The following ADCY8 variants were observed in gnomAD, a reference collection of about 807,000 sequenced individuals.
The protein encoded by ADCY8 is adenylate cyclase 8.
Under a neutral mutation model 119.7 loss-of-function variants are expected in ADCY8, and 51 were observed. The ratio of observed to expected loss-of-function variants is 0.43; its 90% confidence interval spans 0.34 to 0.54. The LOEUF (loss-of-function observed/expected upper bound fraction) is 0.54. Ranked by LOEUF, ADCY8 falls within the 20% of genes least tolerant of loss-of-function variation. The pLI is 0.03. For synonymous variants in ADCY8, 665 were observed against 651.0 expected, an observed-to-expected ratio of 1.02 and a Z score of -0.33; for missense variants, 1,383 against 1,598.8, an observed-to-expected ratio of 0.87 and a Z score of 2.30.
At chr8:131,012,820 T>C (rs1651085711) in intron 1 of ADCY8, among the ~76,000 whole-genome samples, 1 of 152,294 alleles carries the variant, frequency 6.6e-6, no homozygotes, top group Middle Eastern at 3.4e-3. Flanking sequence ...TGAAATTGCG[T>C]CACAGCTCAA....
intron 5 of ADCY8, among the ~76,000 whole-genome samples, chr8:130,924,902 T>C (rs940670143): frequency 1.3e-5 from 2 of 152,046 alleles, no homozygotes; most frequent in Admixed American, 6.6e-5. Flanking sequence ...ATCTGGGATA[T>C]AGTTAGTGTT....
rs1554607515 is a variant in ADCY8 at position 130,854,819 on chromosome 8, C to CTTCCTTCCT, written c.2211-5017_2211-5016insAGGAAGGAA. Reference sequence around the variant, plus strand: ...TTTCCCTCCGTCCCTCCCTCCCTCCCTCCCTCCCTCCCTCCCTCCCTTCCT... The same window carrying CTTCCTTCCT: ...TTTCCCTCCGTCCCTCCCTCCCTCCCTTCCTTCCTTCCCTCCCTCCCTCCCTCCCTTCCT... On this transcript the variant is annotated intron_variant, in intron 9 of 17. Transcript: ENST00000286355. 1.0e-3 allele frequency among the ~76,000 whole-genome samples: 120 copies of CTTCCTTCCT among 115,098 alleles called. 2 individuals are homozygous for CTTCCTTCCT. Among genetic ancestry groups the CTTCCTTCCT allele is most frequent in the African/African-American group, 4.2e-3 (114 of 27,132 alleles). The allele number at this position is 115,098 out of a possible 152,430, so 75.5% of individuals were successfully genotyped here.
chr8:131,005,864 T>C (rs1823100432), intron 1 of ADCY8, among the ~76,000 whole-genome samples: 1 of 152,138 alleles, frequency 6.6e-6, no homozygotes, highest in Admixed American at 6.6e-5. Flanking sequence ...GCCTTGTGGC[T>C]CCCTTAATCC....
At chr8:130,813,115 T>A (rs1419648180) in intron 14 of ADCY8, among the ~76,000 whole-genome samples, 1 of 152,112 alleles carries the variant, frequency 6.6e-6, no homozygotes, top group African/African-American at 2.4e-5. Flanking sequence ...GCTTGGCTAA[T>A]TTTTGTAATT....
chr8:130,869,597 A>C (rs954081358), intron 8 of ADCY8, among the ~76,000 whole-genome samples: 9 of 146,988 alleles, frequency 6.1e-5, no homozygotes, highest in African/African-American at 2.3e-4. Context: ...GGTTCACTGC[A>C]AGCTCTGCCT....
chr8:131,026,611 G>T (rs967913776), intron 1 of ADCY8, among the ~76,000 whole-genome samples: 1 of 152,040 alleles, frequency 6.6e-6, no homozygotes, highest in Admixed American at 6.6e-5. Context: ...CAGAAACACA[G>T]AACCTAGGGT....
chr8:130,869,301 C>T lies in ADCY8; in HGVS notation c.2110-1355G>A, dbSNP rs559834354. ...CAACCCTGATAAAACCACAGAAAGC[C>T]CATATTATTAATATTATTAATAGTT... On this transcript the variant is annotated intron_variant, in intron 8 of 17. Transcript: ENST00000286355. Among the ~76,000 whole-genome samples the T allele has an allele frequency of 7.2e-5, 11 of 152,080 alleles. No individual in the cohort carries two copies. In the South Asian group the frequency reaches 1.5e-3, roughly 20 times the overall value.
At chr8:130,975,464 C>T (rs1292493437) in intron 2 of ADCY8, among the ~76,000 whole-genome samples, 2 of 152,120 alleles carry the variant, frequency 1.3e-5, no homozygotes, top group African/African-American at 4.8e-5. Context: ...CAAGAAACTC[C>T]CAACCACAAA....
chr8:130,844,902 G>T (rs1817251064), intron 11 of ADCY8, among the ~76,000 whole-genome samples: 1 of 152,124 alleles, frequency 6.6e-6, no homozygotes, highest in East Asian at 1.9e-4. Flanking sequence ...ACATACACGG[G>T]TATATTACGC....
chr8:130,956,296 C>G (rs1319456256), intron 2 of ADCY8, among the ~76,000 whole-genome samples: 1 of 152,210 alleles, frequency 6.6e-6, no homozygotes, highest in Admixed American at 6.5e-5. Flanking sequence ...TGTCTATCCT[C>G]ACATCCTCTA....
chr8:130,843,472 G>A (rs935291846), intron 11 of ADCY8, among the ~76,000 whole-genome samples: 5 of 152,114 alleles, frequency 3.3e-5, no homozygotes, highest in Non-Finnish European at 7.4e-5. Flanking sequence ...TCAAATCAGG[G>A]AGTCCACCTT....
intron 2 of ADCY8, among the ~76,000 whole-genome samples, chr8:130,957,912 C>T (rs1217720448): frequency 6.6e-6 from 1 of 152,206 alleles, no homozygotes; most frequent in South Asian, 2.1e-4. Flanking sequence ...GATGCTCAGA[C>T]AGAAGTTTGT....
At chr8:130,963,343 T>G (rs1306463529) in intron 2 of ADCY8, among the ~76,000 whole-genome samples, 1 of 152,076 alleles carries the variant, frequency 6.6e-6, no homozygotes, top group Non-Finnish European at 1.5e-5. Context: ...AATGAAGAAA[T>G]TTTCAAGGGA....
chr8:130,883,948 T>C (rs4130329), intron 8 of ADCY8, among the ~76,000 whole-genome samples: 3,286 of 152,288 alleles, frequency 0.022, 72 homozygotes, highest in South Asian at 0.08. Context: ...ATCCTCATCA[T>C]ACAGAGGGGA....
chr8:130,968,924 T>G (rs889443818), intron 2 of ADCY8, among the ~76,000 whole-genome samples: 4 of 152,140 alleles, frequency 2.6e-5, no homozygotes, highest in Admixed American at 1.3e-4. Context: ...TAACCACATC[T>G]TAGGGCTTAA....
At position 130,925,889 on chromosome 8, in the gene ADCY8, G is replaced by C. The variant is rs77625319; in HGVS notation, c.1481+11184C>G. 9.1e-4 allele frequency among the ~76,000 whole-genome samples: 139 copies of C among 152,184 alleles called. 3 individuals are homozygous for C. In the East Asian group the frequency reaches 0.026, roughly 28 times the overall value. On this transcript the variant is annotated intron_variant, in intron 5 of 17. Coordinates refer to ENST00000286355, the MANE Select transcript of ADCY8 (RefSeq NM_001115.3). ...ACTTCTCTCCCCTGGATTAGTATGA[G>C]AATATCCCCAAACCAGTTTCCTTCC... is the stretch of plus-strand genomic sequence containing the variant.
intron 6 of ADCY8, among the ~76,000 whole-genome samples, chr8:130,907,934 G>A (rs1036981251): frequency 2.6e-5 from 4 of 152,042 alleles, no homozygotes; most frequent in Non-Finnish European, 4.4e-5. Context: ...GTCTATTCTC[G>A]TCTTTATGTC....
In ADCY8 at chr8:130,972,513, A is replaced by G. The variant is rs557437040; in HGVS notation, c.1110+17880T>C. ...TAATAATAATAAAGCCAGAAATAGG[A>G]CAACATTTAAAAAACTTAAAAAGAC... On this transcript the variant is annotated intron_variant, in intron 2 of 17. Coordinates refer to ENST00000286355, the MANE Select transcript of ADCY8 (RefSeq NM_001115.3). Among the ~76,000 whole-genome samples, 5 of 152,332 alleles carry G rather than the reference A, an allele frequency of 3.3e-5. No individual in the cohort carries two copies. In the South Asian group the frequency reaches 1.0e-3, roughly 32 times the overall value.
intron 1 of ADCY8, among the ~76,000 whole-genome samples, chr8:130,992,933 G>C (rs1822646679): frequency 6.6e-6 from 1 of 152,010 alleles, no homozygotes; most frequent in Non-Finnish European, 1.5e-5. Flanking sequence ...GGTTAACTGT[G>C]AACAAAACTA....
Sources: allele counts gnomAD v4.1 joint callset (sites outside exome capture counted in the v4.1 genomes callset), GRCh38; gene constraint gnomAD v4.1.1; transcripts MANE v1.5; gene names NCBI Gene and HGNC (gene_info 2026-07-23, HGNC 2026-07-21).